The following RHOF variants were observed in gnomAD, a reference collection of about 807,000 sequenced individuals.
RHOF encodes rho-related GTP-binding protein RhoF.
In RHOF, 21 loss-of-function variants were observed where a neutral mutation model predicts 22.2. That is an observed-to-expected ratio of 0.95 (90% CI 0.67 to 1.36). RHOF has a LOEUF of 1.36. Ranked by LOEUF, RHOF falls within the 40% of genes most tolerant of loss-of-function variation. The probability of loss-of-function intolerance (pLI) is 0.00; values close to 1 mark genes in which losing one functional copy is unlikely to be tolerated. For synonymous variants in RHOF, 135 were observed against 131.2 expected (o/e 1.03, Z -0.20); for missense variants, 285 against 293.7 (o/e 0.97, Z 0.22).
At chr12:121,787,115 A>G (rs962387890) in intron 2 of RHOF, among the ~76,000 whole-genome samples, 2 of 152,200 alleles carry the variant, frequency 1.3e-5, no homozygotes, top group African/African-American at 4.8e-5. Flanking sequence ...GCGGGCAGGA[A>G]CCACCTCTGT....
intron 2 of RHOF, among the ~76,000 whole-genome samples, chr12:121,787,644 GT>G (rs71453577): frequency 0.2 from 29,899 of 152,168 alleles, 3,365 homozygotes; most frequent in African/African-American, 0.31. Flanking sequence ...GCGCATGCTT[GT>G]AATCCCAGCA....
At chr12:121,792,148 T>C (rs527357706) in intron 2 of RHOF, among the ~76,000 whole-genome samples, 169 of 133,128 alleles carry the variant, frequency 1.3e-3, no homozygotes, top group Non-Finnish European at 2.0e-3. Flanking sequence ...CTCTCCAAGG[T>C]CTAGGTGGGG....
intron 2 of RHOF, among the ~76,000 whole-genome samples, chr12:121,783,339 G>A (rs1874524430): frequency 8.7e-6 from 1 of 115,308 alleles, no homozygotes. Flanking sequence ...CCTTTTCTTT[G>A]AGACAAGAGT....
At position 121,779,444 on chromosome 12, in the gene RHOF, G is replaced by A; in HGVS notation, c.*54C>T. The A allele has an allele frequency of 1.3e-6, 2 of 1,586,628 alleles. No homozygotes were observed. Among genetic ancestry groups the A allele is most frequent in the South Asian group, 2.2e-5 (2 of 90,198 alleles). ...TGGGGCAGCCTCCCTGGTGCAATCG[G>A]CACCTGGGCCCCCGGGCCCTGTCAG... On this transcript the variant is annotated 3_prime_UTR_variant, in exon 5 of 5. Transcript: ENST00000267205.
chr12:121,779,674 G>T lies in RHOF; in HGVS notation c.472-12C>A. The T allele has an allele frequency of 6.2e-7, 1 of 1,613,434 alleles. No individual in the cohort carries two copies. The highest frequency in any genetic ancestry group is 2.2e-5 in the East Asian group (1 of 44,882). ...CAGGCGCTCAGGCCCTGGGTGGGGG[G>T]AGGAGCCAGCATTAGGTGAGGGGCC... On this transcript the variant is annotated splice_polypyrimidine_tract_variant and intron_variant, in intron 4 of 4. Transcript: ENST00000267205.
In RHOF at chr12:121,779,502, A is replaced by G. The variant is rs747004325; in HGVS notation, c.632T>C (p.Leu211Pro). Reference protein sequence around the residue: ...RQKKRRLCLLL With the variant: ...RQKKRRLCLLP The stretch of plus-strand genomic sequence containing the variant: ...GTGAGGTCTGTCTGCCCTGGGTCAG[A>G]GCAGCAGGCAGAGCCGGCGCTTCTT... The change falls in exon 5 of 5, where the codon CTC (leucine) becomes CCC (proline). Residue 211 changes from leucine to proline, a missense_variant. By Grantham distance (98) the Leu-to-Pro change is moderately conservative (BLOSUM62 -3). Transcript: ENST00000267205. The G allele has an allele frequency of 6.2e-7, 1 of 1,611,686 alleles. No homozygotes were observed. Among genetic ancestry groups the G allele is most frequent in the African/African-American group, 1.3e-5 (1 of 75,062 alleles).
chr12:121,792,518 G>C (rs547491566), intron 2 of RHOF, among the ~76,000 whole-genome samples: 4 of 152,350 alleles, frequency 2.6e-5, no homozygotes, highest in African/African-American at 9.6e-5. Context: ...TCCTTCCTCA[G>C]TTCATTTTCT....
rs1040558023 is a variant in RHOF, at chr12:121,779,454, C to A, written c.*44G>T. On this transcript the variant is annotated 3_prime_UTR_variant, in exon 5 of 5. Transcript: ENST00000267205. ...TCCCTGGTGCAATCGGCACCTGGGC[C>A]CCCGGGCCCTGTCAGTGCTGTCGTG... 5 of 1,597,308 alleles carry A rather than the reference C, an allele frequency of 3.1e-6. No homozygotes were observed. The highest frequency in any genetic ancestry group is 4.3e-6 in the Non-Finnish European group (5 of 1,174,222).
intron 2 of RHOF, among the ~76,000 whole-genome samples, chr12:121,790,967 G>A (rs1182556832): frequency 1.3e-5 from 2 of 152,100 alleles, no homozygotes; most frequent in Non-Finnish European, 2.9e-5. Flanking sequence ...TCCGCCTCCT[G>A]GGTTCAAGCA....
At chr12:121,782,888 G>A (rs1874509039) in intron 2 of RHOF, 2 of 152,118 alleles carry the variant, frequency 1.3e-5, no homozygotes, top group Non-Finnish European at 1.5e-5. Flanking sequence ...TCTACCTCAC[G>A]GGGCTGTCAC....
intron 2 of RHOF, among the ~76,000 whole-genome samples, chr12:121,784,560 GA>G (rs996051979): frequency 4.7e-4 from 68 of 146,048 alleles, no homozygotes; most frequent in Non-Finnish European, 7.7e-4. Context: ...AAAAAAAAAA[GA>G]AAAAAAAATC....
intron 2 of RHOF, among the ~76,000 whole-genome samples, chr12:121,789,458 G>T (rs1159220016): frequency 6.6e-6 from 1 of 152,180 alleles, no homozygotes. Flanking sequence ...AGGGACAGGG[G>T]TCTCTAAGGC....
intron 2 of RHOF, among the ~76,000 whole-genome samples, chr12:121,784,907 C>T (rs1226190514): frequency 6.6e-6 from 1 of 152,198 alleles, no homozygotes; most frequent in Non-Finnish European, 1.5e-5. Flanking sequence ...GATTCCAAGA[C>T]CCCCAGTGGA....
Position 121,793,477 on chromosome 12 carries a change from G to T in RHOF, c.138+19C>A. ...AGGGGCGTCCCTCGCCCCCACCCCAGCCCCGCTGCGGGCCTCACCTCGGGG... is the reference window on the plus strand; with the variant it reads ...AGGGGCGTCCCTCGCCCCCACCCCATCCCCGCTGCGGGCCTCACCTCGGGG... On this transcript the variant is annotated intron_variant, in intron 1 of 4. Transcript: ENST00000267205. 6.5e-7 allele frequency: 1 copy of T among 1,539,566 alleles called. No homozygotes were observed.
intron 2 of RHOF, among the ~76,000 whole-genome samples, chr12:121,787,759 G>A (rs139493861): frequency 2.9e-4 from 44 of 152,058 alleles, no homozygotes; most frequent in South Asian, 1.7e-3. Flanking sequence ...AAAATTAGCC[G>A]GATGTGGTGG....
At position 121,778,984 on chromosome 12, in the gene RHOF, G is replaced by A; in HGVS notation, c.*514C>T. On this transcript the variant is annotated 3_prime_UTR_variant, in exon 5 of 5. Coordinates refer to ENST00000267205, the MANE Select transcript of RHOF (RefSeq NM_019034.3). The stretch of plus-strand genomic sequence containing the variant: ...AGATGGGAGGGGTGGGTGCCAGGCT[G>A]CAGCCTGTGTCCTCCTGATAGGCCC... 1 of 156,510 alleles carries A rather than the reference G, an allele frequency of 6.4e-6. No individual in the cohort carries two copies. The highest frequency in any genetic ancestry group is 1.9e-4 in the South Asian group (1 of 5,180). The allele number at this position is 156,510 out of a possible 1,614,324, so 9.7% of individuals were successfully genotyped here.
intron 2 of RHOF, among the ~76,000 whole-genome samples, chr12:121,785,693 C>G (rs1874589324): frequency 6.6e-6 from 1 of 152,056 alleles, no homozygotes; most frequent in South Asian, 2.1e-4. Flanking sequence ...TCACTGCAAC[C>G]TCCGCCTCCC....
At position 121,779,472 on chromosome 12, in the gene RHOF, C is replaced by G. The variant is rs370036595; in HGVS notation, c.*26G>C. The G allele has an allele frequency of 1.0e-5, 16 of 1,606,186 alleles. No individual in the cohort carries two copies. Among genetic ancestry groups the G allele is most frequent in the African/African-American group, 6.7e-5 (5 of 74,880 alleles). On this transcript the variant is annotated 3_prime_UTR_variant, in exon 5 of 5. Transcript: ENST00000267205. Reference sequence around the variant, plus strand: ...CCTGGGCCCCCGGGCCCTGTCAGTGCTGTCGTGAGGTCTGTCTGCCCTGGG... The same window carrying G: ...CCTGGGCCCCCGGGCCCTGTCAGTGGTGTCGTGAGGTCTGTCTGCCCTGGG...
intron 2 of RHOF, among the ~76,000 whole-genome samples, chr12:121,790,286 G>A (rs946929100): frequency 6.6e-6 from 1 of 152,212 alleles, no homozygotes; most frequent in African/African-American, 2.4e-5. Context: ...GCCACCAGTC[G>A]GGAAGATGCC....
Sources: gnomAD v4.1 joint callset for allele counts (sites outside exome capture counted in the v4.1 genomes callset) on GRCh38, gnomAD v4.1.1 for gene constraint, MANE v1.5 for transcripts, NCBI Gene and HGNC (gene_info 2026-07-23, HGNC 2026-07-21) for gene names.